Variants in SZRD1 observed in about 807,000 individuals in gnomAD.
SZRD1 encodes SUZ RNA binding domain containing 1.
Under a neutral mutation model 17.6 loss-of-function variants are expected in SZRD1, and 7 were observed. The ratio of observed to expected loss-of-function variants is 0.40; its 90% confidence interval spans 0.23 to 0.75. SZRD1 has a LOEUF of 0.75. SZRD1 is among the 30% of genes least tolerant of loss of function. The pLI, the probability that SZRD1 is intolerant of heterozygous loss-of-function variation, is 0.38. For missense variants in SZRD1, 178 were observed against 201.8 expected (o/e 0.88, Z 0.71); for synonymous variants, 77 against 77.9 (o/e 0.99, Z 0.06).
At chr1:16,369,075 CGT>C (rs2082868296) in intron 1 of SZRD1, 2 of 303,632 alleles carry the variant, frequency 6.6e-6, no homozygotes, top group East Asian at 1.4e-4. Flanking sequence ...ACGCTTGTCG[CGT>C]GTTCTTTCTT....
At chr1:16,374,884 T>C (rs1487377444) in intron 1 of SZRD1, among the ~76,000 whole-genome samples, 1 of 152,206 alleles carries the variant, frequency 6.6e-6, no homozygotes, top group Non-Finnish European at 1.5e-5. Context: ...TTTTGTTTTG[T>C]TTTGTTTTTT....
At position 16,398,043 on chromosome 1, in the gene SZRD1, C is replaced by T. The variant is rs879251323; in HGVS notation, c.*2903C>T. On this transcript the variant is annotated 3_prime_UTR_variant, in exon 4 of 4. Transcript: ENST00000401088. The stretch of plus-strand genomic sequence containing the variant: ...CTGCAGTCTTACTCTGCTGGTGTAG[C>T]GGGCAGCTGCCCACTCCCACCCCAC... 39 of 892,364 alleles carry T rather than the reference C, an allele frequency of 4.4e-5. No homozygotes were observed. In the South Asian group the frequency reaches 1.6e-3, roughly 36 times the overall value. The allele number at this position is 892,364 out of a possible 1,614,324, so 55.3% of individuals were successfully genotyped here.
Position 16,398,064 on chromosome 1 carries a change from C to T in SZRD1, c.*2924C>T. ...GTAGCGGGCAGCTGCCCACTCCCAC[C>T]CCACCCTGCACCGCGGGCTCCTGAG... On this transcript the variant is annotated 3_prime_UTR_variant, in exon 4 of 4. Transcript: ENST00000401088. The T allele has an allele frequency of 2.3e-6, 2 of 888,008 alleles. No individual in the cohort carries two copies. Among genetic ancestry groups the T allele is most frequent in the Non-Finnish European group, 2.7e-6 (2 of 741,164 alleles). 55.0% of individuals were successfully genotyped at this position (888,008 alleles called of 1,614,324 possible).
At chr1:16,383,857 A>G (rs2083146655) in intron 1 of SZRD1, among the ~76,000 whole-genome samples, 1 of 152,140 alleles carries the variant, frequency 6.6e-6, no homozygotes, top group African/African-American at 2.4e-5. Context: ...TGACCTCGTG[A>G]TCCGCCCGCC....
At chr1:16,378,091 C>T (rs1557624251) in intron 1 of SZRD1, among the ~76,000 whole-genome samples, 1 of 152,144 alleles carries the variant, frequency 6.6e-6, no homozygotes, top group African/African-American at 2.4e-5. Flanking sequence ...TTCACCATTA[C>T]ATCTGCCTAT....
At position 16,382,927 on chromosome 1, in the gene SZRD1, G is replaced by A. The variant is rs770367946; in HGVS notation, c.52-8448G>A. Among the ~76,000 whole-genome samples, 19 of 148,464 alleles carry A rather than the reference G, an allele frequency of 1.3e-4. 1 individual carries two copies. The highest frequency in any genetic ancestry group is 2.7e-4 in the Admixed American group (4 of 14,970). On this transcript the variant is annotated intron_variant, in intron 1 of 3. Coordinates refer to ENST00000401088, the MANE Select transcript of SZRD1 (RefSeq NM_001114600.3). ...CTCCCCCCTGCTAGAGTACAATGGT[G>A]CAATCTCAGCTTACTGCAACCTCCG... is the stretch of plus-strand genomic sequence containing the variant.
chr1:16,379,906 G>A (rs1570015900), intron 1 of SZRD1, among the ~76,000 whole-genome samples: 1 of 151,658 alleles, frequency 6.6e-6, no homozygotes, highest in Non-Finnish European at 1.5e-5. Context: ...GATTACAGGC[G>A]CCAGCCACCA....
intron 2 of SZRD1, among the ~76,000 whole-genome samples, chr1:16,392,374 G>T (rs1276061064): frequency 6.6e-6 from 1 of 152,146 alleles, no homozygotes; most frequent in Non-Finnish European, 1.5e-5. Flanking sequence ...GGTCATTCCT[G>T]CCTGGGTTCC....
At chr1:16,374,666 T>C (rs1015291116) in intron 1 of SZRD1, among the ~76,000 whole-genome samples, 1 of 152,154 alleles carries the variant, frequency 6.6e-6, no homozygotes, top group African/African-American at 2.4e-5. Flanking sequence ...TTTCCACCTC[T>C]CCACTGCTGT....
chr1:16,368,723 A>G (rs141975745), intron 1 of SZRD1, among the ~76,000 whole-genome samples: 9 of 152,328 alleles, frequency 5.9e-5, no homozygotes, highest in African/African-American at 1.7e-4. Flanking sequence ...AGAAAATGCA[A>G]CATTTTCGGT....
chr1:16,376,479 T>C (rs768596003), intron 1 of SZRD1, among the ~76,000 whole-genome samples: 1 of 152,164 alleles, frequency 6.6e-6, no homozygotes, highest in African/African-American at 2.4e-5. Flanking sequence ...GAAATAACTT[T>C]TTAACATTTG....
chr1:16,370,445 T>C lies in SZRD1; in HGVS notation c.51+3137T>C, dbSNP rs866259038. Among the ~76,000 whole-genome samples the C allele has an allele frequency of 1.1e-4, 16 of 152,076 alleles. No homozygotes were observed. In the South Asian group the frequency reaches 1.7e-3, roughly 16 times the overall value. ...TTTCACCATGTTGGCCACGCTGATCTCGAACTCCTGGCCTCAAGTGATCCT... is the reference window on the plus strand; with the variant it reads ...TTTCACCATGTTGGCCACGCTGATCCCGAACTCCTGGCCTCAAGTGATCCT... On this transcript the variant is annotated intron_variant, in intron 1 of 3. Transcript: ENST00000401088.
intron 1 of SZRD1, chr1:16,367,655 C>T: frequency 2.8e-6 from 1 of 352,064 alleles, no homozygotes; most frequent in Non-Finnish European, 5.2e-6. Flanking sequence ...CCCGAGGCAC[C>T]ATTTTAAAGT....
chr1:16,380,799 A>T (rs2083088186), intron 1 of SZRD1, among the ~76,000 whole-genome samples: 1 of 151,522 alleles, frequency 6.6e-6, no homozygotes, highest in Non-Finnish European at 1.5e-5. Context: ...TAGAGATGGG[A>T]TTTTGCCATT....
chr1:16,377,430 A>G (rs1386332491), intron 1 of SZRD1, among the ~76,000 whole-genome samples: 5 of 152,070 alleles, frequency 3.3e-5, no homozygotes, highest in African/African-American at 4.8e-5. Context: ...TAAAAATACA[A>G]AAAAATGAGC....
chr1:16,394,720 C>T (rs546834132), intron 3 of SZRD1, among the ~76,000 whole-genome samples: 26 of 152,076 alleles, frequency 1.7e-4, no homozygotes, highest in South Asian at 6.2e-4. Flanking sequence ...TTTGAGAGGC[C>T]GAGGTGGACG....
At chr1:16,379,339 G>A (rs1429639162) in intron 1 of SZRD1, among the ~76,000 whole-genome samples, 4 of 152,096 alleles carry the variant, frequency 2.6e-5, no homozygotes, top group East Asian at 1.9e-4. Context: ...GAATGGCCTC[G>A]TGATCCGCCC....
intron 1 of SZRD1, among the ~76,000 whole-genome samples, chr1:16,382,173 G>A (rs2083115140): frequency 6.6e-6 from 1 of 151,680 alleles, no homozygotes; most frequent in South Asian, 2.1e-4. Context: ...TGCTGAGCAG[G>A]GGCTAGCATG....
At chr1:16,382,588 G>A (rs1039598878) in intron 1 of SZRD1, among the ~76,000 whole-genome samples, 2 of 151,346 alleles carry the variant, frequency 1.3e-5, no homozygotes, top group African/African-American at 4.9e-5. Context: ...TCCCCCTCCC[G>A]AGTTCAAGCG....
Sources: allele counts gnomAD v4.1 joint callset (sites outside exome capture counted in the v4.1 genomes callset), GRCh38; gene constraint gnomAD v4.1.1; transcripts MANE v1.5; gene names NCBI Gene and HGNC (gene_info 2026-07-23, HGNC 2026-07-21).